Variants in RNF17 observed in about 807,000 individuals in gnomAD.
The protein encoded by RNF17 is ring finger protein 17.
In RNF17, 31 loss-of-function variants were observed where a neutral mutation model predicts 200.5. The observed-to-expected ratio is 0.15, with a 90% CI of 0.12 to 0.21. RNF17 has a LOEUF of 0.21. Among genes scored for constraint, RNF17 ranks in the 10% least tolerant of loss-of-function variants. The pLI is 1.00. For missense variants in RNF17, 1,628 were observed against 1,905.1 expected (o/e 0.85, Z 2.71); for synonymous variants, 606 against 637.8 (o/e 0.95, Z 0.75).
downstream of RNF17, chr13:24,883,826 G>A (rs563502513): frequency 1.4e-3 from 1,328 of 916,950 alleles, 1 homozygote; most frequent in Middle Eastern, 4.3e-3. Flanking sequence ...TGACATGCCT[G>A]TGGGACATTC....
At chr13:24,783,175 G>A (rs1321981425) in intron 6 of RNF17, among the ~76,000 whole-genome samples, 1 of 152,100 alleles carries the variant, frequency 6.6e-6, no homozygotes, top group South Asian at 2.1e-4. Context: ...GAATGTTCTT[G>A]GCACCCTTGT....
At chr13:24,882,657 T>C (rs547113186), downstream of RNF17, 26 of 157,036 alleles carry the variant, frequency 1.7e-4, no homozygotes, top group South Asian at 2.1e-3. Context: ...GTGACCTATT[T>C]ATATTCATCC....
downstream of RNF17, among the ~76,000 whole-genome samples, chr13:24,883,687 G>C (rs555424203): frequency 4.6e-5 from 7 of 152,174 alleles, no homozygotes; most frequent in Non-Finnish European, 7.4e-5. Context: ...CTGAGTGTTT[G>C]TTTGCTCTGT....
At chr13:24,880,354 G>T (rs1307632861), downstream of RNF17, among the ~76,000 whole-genome samples, 3 of 152,188 alleles carry the variant, frequency 2.0e-5, no homozygotes, top group East Asian at 1.9e-4. Flanking sequence ...CTCCCACGAG[G>T]TCCCTCCTCC....
rs1244748690 is a variant in RNF17 at position 24,853,988 on chromosome 13, A to G, written c.3454A>G (p.Ser1152Gly). The G allele has an allele frequency of 6.2e-7, 1 of 1,614,208 alleles. No homozygotes were observed. The highest frequency in any genetic ancestry group is 8.5e-7 in the Non-Finnish European group (1 of 1,180,012). Residue 1152 changes from serine to glycine, a missense_variant, in exon 25 of 36, where the codon AGT becomes GGT. This residue lies in a region of RNF17 where 609 missense variants were observed against 681.9 expected (regional missense o/e 0.89). Transcript: ENST00000255324. The part of the protein sequence containing the change: ...DPDKKTADII[S>G]EQKVSEFQEK... ...TGACAAGAAAACTGCTGACATAATC[A>G]GTGAACAGAAAGTGTCTGAATTTCA... is the stretch of plus-strand genomic sequence containing the variant.
chr13:24,788,660 A>G (rs1276776923), intron 7 of RNF17, among the ~76,000 whole-genome samples: 1 of 152,194 alleles, frequency 6.6e-6, no homozygotes, highest in Non-Finnish European at 1.5e-5. Flanking sequence ...AGCTTCAGCC[A>G]TCTCCTATCA....
chr13:24,824,666 C>T (rs1271582630), intron 15 of RNF17, among the ~76,000 whole-genome samples: 1 of 152,136 alleles, frequency 6.6e-6, no homozygotes. Flanking sequence ...ACAAACCTTA[C>T]TGAATCATTG....
chr13:24,886,407 A>T, the RNF17 span: 90 of 1,265,964 alleles, frequency 7.1e-5, no homozygotes, highest in Non-Finnish European at 9.3e-5. Flanking sequence ...GAATGGTTCC[A>T]TTACACCATG....
chr13:24,754,112 C>A, the RNF17 span, among the ~76,000 whole-genome samples: 2 of 150,986 alleles, frequency 1.3e-5, no homozygotes, highest in African/African-American at 4.9e-5. Flanking sequence ...GAGCCGAGAT[C>A]GCACCATTGC....
intron 11 of RNF17, among the ~76,000 whole-genome samples, chr13:24,797,336 CAT>C (rs1593275757): frequency 6.6e-6 from 1 of 152,138 alleles, no homozygotes. Flanking sequence ...TAAGGGAAGA[CAT>C]GTGAATTGTT....
chr13:24,788,207 T>TCCAAAGCATGTAAAATA, intron 7 of RNF17, 48 bp downstream of exon 7: 1 of 1,395,506 alleles, frequency 7.2e-7, no homozygotes, highest in Non-Finnish European at 9.8e-7. Context: ...TAGCTTATTT[T>TCCAAAGCATGTAAAATA]ACATGCTTTG....
intron 25 of RNF17, among the ~76,000 whole-genome samples, chr13:24,858,154 A>G (rs1033345393): frequency 6.6e-6 from 1 of 152,138 alleles, no homozygotes; most frequent in Non-Finnish European, 1.5e-5. Context: ...GGTAGCTATG[A>G]ATTTACTGAA....
chr13:24,841,815 A>T (rs562054997), intron 18 of RNF17, among the ~76,000 whole-genome samples: 1 of 152,136 alleles, frequency 6.6e-6, no homozygotes, highest in East Asian at 1.9e-4. Flanking sequence ...AAAAAAAATT[A>T]GCCGGGCGTG....
At chr13:24,838,623 C>G (rs1890268260) in intron 18 of RNF17, among the ~76,000 whole-genome samples, 1 of 152,064 alleles carries the variant, frequency 6.6e-6, no homozygotes, top group South Asian at 2.1e-4. Flanking sequence ...ATCCAGCATC[C>G]CTTTATGCTT....
chr13:24,870,195 C>T (rs1894103798), intron 31 of RNF17, among the ~76,000 whole-genome samples: 1 of 152,046 alleles, frequency 6.6e-6, no homozygotes, highest in African/African-American at 2.4e-5. Flanking sequence ...AGTCACCCTG[C>T]CGCGGCCTCC....
At chr13:24,761,155 T>C (rs1878708078), upstream of RNF17, among the ~76,000 whole-genome samples, 1 of 152,260 alleles carries the variant, frequency 6.6e-6, no homozygotes, top group Non-Finnish European at 1.5e-5. Context: ...AATTTGGTTT[T>C]AGAATATTAA....
At chr13:24,819,282 A>G (rs1403414008) in intron 15 of RNF17, among the ~76,000 whole-genome samples, 2 of 152,176 alleles carry the variant, frequency 1.3e-5, no homozygotes, top group African/African-American at 4.8e-5. Context: ...TCTCAGACAG[A>G]ATTTGTCTTT....
intron 2 of RNF17, 109 bp downstream of exon 2, chr13:24,767,475 C>G: frequency 1.4e-6 from 1 of 729,078 alleles, no homozygotes. Flanking sequence ...GTTGGCCGGG[C>G]GTGGTGGCTG....
intron 25 of RNF17, among the ~76,000 whole-genome samples, chr13:24,856,604 A>G (rs566414060): frequency 9.2e-5 from 14 of 152,162 alleles, no homozygotes; most frequent in Non-Finnish European, 1.9e-4. Context: ...TAGTAGTCCT[A>G]GCTCATCGGC....
Sources: gnomAD v4.1 joint callset for allele counts (sites outside exome capture counted in the v4.1 genomes callset) on GRCh38, gnomAD v4.1.1 for gene constraint, gnomAD v4.1.1 regional missense constraint, MANE v1.5 for transcripts, NCBI Gene and HGNC (gene_info 2026-07-23, HGNC 2026-07-21) for gene names.